WDR44: variants seen among roughly 807,000 people sequenced by gnomAD.
The protein encoded by WDR44 is WD repeat-containing protein 44.
WDR44 carries 9 observed loss-of-function variants against 65.7 expected under a neutral mutation model. That is an observed-to-expected ratio of 0.14 (90% CI 0.08 to 0.24). The LOEUF is 0.24. WDR44 is among the 10% of genes least tolerant of loss of function. The probability of loss-of-function intolerance (pLI) is 1.00; values close to 1 mark genes in which losing one functional copy is unlikely to be tolerated. For synonymous variants in WDR44, 220 were observed against 235.2 expected, an observed-to-expected ratio of 0.94 and a Z score of 0.59; for missense variants, 425 against 670.9, an observed-to-expected ratio of 0.63 and a Z score of 4.05.
intron 1 of WDR44, among the ~76,000 whole-genome samples, chrX:118,368,842 G>A (rs1053735381): frequency 1.2e-4 from 12 of 102,245 alleles, no homozygotes; most frequent in Non-Finnish European, 2.4e-4. Context: ...TCACCCTCCT[G>A]AGTAGCTGGG....
intron 1 of WDR44, among the ~76,000 whole-genome samples, chrX:118,353,450 C>T (rs1030800748): frequency 1.8e-5 from 2 of 112,083 alleles, no homozygotes; most frequent in Non-Finnish European, 3.8e-5. Context: ...TCTGCCAGAG[C>T]GCTTCAGGTC....
chrX:118,391,580 A>G (rs930655100), intron 3 of WDR44, among the ~76,000 whole-genome samples: 3 of 112,238 alleles, frequency 2.7e-5, no homozygotes, highest in African/African-American at 9.7e-5. Context: ...ACATGGTGGC[A>G]GGATAAGTGA....
chrX:118,358,088 T>C (rs1361461892), intron 1 of WDR44, among the ~76,000 whole-genome samples: 2 of 112,274 alleles, frequency 1.8e-5, no homozygotes, highest in African/African-American at 6.5e-5. Context: ...AAAAGCATCT[T>C]GATCAGCAAC....
intron 1 of WDR44, among the ~76,000 whole-genome samples, chrX:118,365,041 T>C (rs1312152915): frequency 8.9e-6 from 1 of 112,244 alleles, no homozygotes; most frequent in African/African-American, 3.2e-5. Flanking sequence ...TATGTTCTGT[T>C]TCATCAGTGT....
chrX:118,443,286 G>C (rs1406580483), intron 17 of WDR44, among the ~76,000 whole-genome samples: 2 of 111,091 alleles, frequency 1.8e-5, no homozygotes, highest in African/African-American at 3.3e-5. Flanking sequence ...AAAGTATTCT[G>C]CTCCTGTCTT....
At chrX:118,395,113 A>G (rs894957106) in intron 5 of WDR44, 136 bp from the exon 6 acceptor site, 14 of 560,739 alleles carry the variant, frequency 2.5e-5, no homozygotes, top group East Asian at 3.8e-5. Flanking sequence ...AAGGACTGAA[A>G]CGTAATGTTC....
Position 118,449,056 on chromosome X carries a change from T to C in WDR44, c.*69T>C. ...TGTATCAAAACTGAAAAAATAGTGTTCCAGGCTAACATACTTTTTTAATTT... is the reference window on the plus strand; with the variant it reads ...TGTATCAAAACTGAAAAAATAGTGTCCCAGGCTAACATACTTTTTTAATTT... On this transcript the variant is annotated 3_prime_UTR_variant, in exon 20 of 20. Transcript: ENST00000254029. 7.3e-6 allele frequency: 5 copies of C among 685,934 alleles called. No individual in the cohort carries two copies. In the South Asian group the frequency reaches 1.4e-4, roughly 20 times the overall value. 56.5% of individuals were successfully genotyped at this position (685,934 alleles called of 1,213,427 possible).
chrX:118,429,264 C>CT (rs1385989474), intron 12 of WDR44, among the ~76,000 whole-genome samples: 1 of 111,059 alleles, frequency 9.0e-6, no homozygotes, highest in Non-Finnish European at 1.9e-5. Context: ...CAGGTTTAAA[C>CT]TTTTTGACCC....
intron 2 of WDR44, among the ~76,000 whole-genome samples, chrX:118,383,718 T>C (rs2056739683): frequency 1.1e-5 from 1 of 92,375 alleles, no homozygotes; most frequent in Non-Finnish European, 2.1e-5. Context: ...CTTCCAAGTA[T>C]TCTTTTTTTT....
At chrX:118,445,170 C>G in intron 19 of WDR44, 1 of 229,714 alleles carries the variant, frequency 4.4e-6, no homozygotes, top group Non-Finnish European at 8.1e-6. Flanking sequence ...TGGCGGGTGC[C>G]TGTAATCCTA....
intron 1 of WDR44, among the ~76,000 whole-genome samples, chrX:118,377,471 A>T (rs1015034575): frequency 8.9e-6 from 1 of 111,877 alleles, no homozygotes; most frequent in African/African-American, 3.2e-5. Flanking sequence ...ATCAAAGTAC[A>T]AATTAAAACA....
chrX:118,396,134 G>C (rs2056864023), intron 6 of WDR44, among the ~76,000 whole-genome samples: 2 of 111,444 alleles, frequency 1.8e-5, no homozygotes, highest in African/African-American at 6.5e-5. Flanking sequence ...TTAAAACTTA[G>C]TATGCACCTA....
intron 1 of WDR44, among the ~76,000 whole-genome samples, chrX:118,361,181 G>A (rs1351628140): frequency 8.9e-6 from 1 of 112,096 alleles, no homozygotes; most frequent in Non-Finnish European, 1.9e-5. Flanking sequence ...TTTCCTTTTT[G>A]TACTTTAGGA....
intron 3 of WDR44, 124 bp downstream of exon 3, chrX:118,387,538 T>G: frequency 2.7e-6 from 1 of 372,004 alleles, no homozygotes. Context: ...AGCAAATGTT[T>G]CATGAATCTG....
intron 14 of WDR44, among the ~76,000 whole-genome samples, chrX:118,438,797 G>GTTTTTTTGTTTTTTTT (rs1431508948): frequency 3.1e-5 from 2 of 64,071 alleles, no homozygotes; most frequent in Admixed American, 2.4e-4. Flanking sequence ...GTTCAGCCAT[G>GTTTTTTTGTTTTTTTT]TTTTTTTTTT....
At position 118,392,476 on chromosome X, in the gene WDR44, A is replaced by G. The variant is rs373849016; in HGVS notation, c.187-156A>G. Among the ~76,000 whole-genome samples, 511 of 112,208 alleles carry G rather than the reference A, an allele frequency of 4.6e-3. 1 individual carries two copies. Among genetic ancestry groups the G allele is most frequent in the African/African-American group, 0.016 (482 of 30,868 alleles). On this transcript the variant is annotated intron_variant, in intron 3 of 19. Coordinates refer to ENST00000254029, the MANE Select transcript of WDR44 (RefSeq NM_019045.5). ...CCCTAATTTGTAAAATGGTGACAGT[A>G]GGAGTAGAATCTCATAAGGTTGTTG...
chrX:118,369,724 A>T (rs899322958), intron 1 of WDR44, among the ~76,000 whole-genome samples: 1 of 108,118 alleles, frequency 9.2e-6, no homozygotes, highest in African/African-American at 3.4e-5. Flanking sequence ...CGCCTCGGCC[A>T]CCAAAGTGCT....
intron 17 of WDR44, among the ~76,000 whole-genome samples, chrX:118,443,282 T>C (rs2057317764): frequency 8.9e-6 from 1 of 111,951 alleles, no homozygotes; most frequent in South Asian, 3.7e-4. Flanking sequence ...TGGTAAAGTA[T>C]TCTGCTCCTG....
chrX:118,432,258 G>T (rs369410030), intron 12 of WDR44, among the ~76,000 whole-genome samples: 1 of 111,524 alleles, frequency 9.0e-6, no homozygotes, highest in East Asian at 2.8e-4. Context: ...GGCTGCTACA[G>T]TCTTAGTTGT....
Sources: gnomAD v4.1 joint callset for allele counts (sites outside exome capture counted in the v4.1 genomes callset) on GRCh38, gnomAD v4.1.1 for gene constraint, MANE v1.5 for transcripts, NCBI Gene and HGNC (gene_info 2026-07-23, HGNC 2026-07-21) for gene names.